AUTS2: variants seen among roughly 807,000 people sequenced by gnomAD.
AUTS2 encodes the protein activator of transcription and developmental regulator AUTS2.
A neutral mutation model predicts 112.4 loss-of-function variants in AUTS2; 17 were observed. The observed-to-expected ratio is 0.15, with a 90% CI of 0.10 to 0.23. The LOEUF is 0.23. AUTS2 is among the 10% of genes least tolerant of loss of function. The pLI, the probability that AUTS2 is intolerant of heterozygous loss-of-function variation, is 1.00. For synonymous variants in AUTS2, 751 were observed against 702.7 expected (o/e 1.07, Z -1.09); for missense variants, 1,510 against 1,701.6 (o/e 0.89, Z 1.98).
intron 1 of AUTS2, among the ~76,000 whole-genome samples, chr7:69,873,149 T>C (rs925929326): frequency 1.8e-4 from 28 of 152,096 alleles, no homozygotes; most frequent in African/African-American, 6.3e-4. Flanking sequence ...AATCAAGTGG[T>C]TATCATCTGC....
chr7:69,659,451 ATT>A (rs57592846), intron 1 of AUTS2, among the ~76,000 whole-genome samples: 17 of 137,890 alleles, frequency 1.2e-4, no homozygotes, highest in African/African-American at 1.6e-4. Context: ...TTGGGAAGCA[ATT>A]TTTTTTTTTT....
chr7:70,776,472 G>A (rs1790696629), intron 13 of AUTS2, among the ~76,000 whole-genome samples: 1 of 152,204 alleles, frequency 6.6e-6, no homozygotes, highest in South Asian at 2.1e-4. Context: ...TAGAGAACAG[G>A]AAGGAAGGAA....
chr7:69,805,644 A>G (rs1790268549), intron 1 of AUTS2, among the ~76,000 whole-genome samples: 2 of 152,234 alleles, frequency 1.3e-5, no homozygotes, highest in African/African-American at 4.8e-5. Context: ...GAAGGAACCA[A>G]GCAACGCAGA....
chr7:70,692,336 A>C (rs1424688898), intron 5 of AUTS2, among the ~76,000 whole-genome samples: 2 of 152,220 alleles, frequency 1.3e-5, no homozygotes, highest in African/African-American at 4.8e-5. Context: ...TCCCTGTAAC[A>C]CCGATTTTGC....
At chr7:70,420,709 T>G (rs939038798) in intron 4 of AUTS2, among the ~76,000 whole-genome samples, 1 of 152,200 alleles carries the variant, frequency 6.6e-6, no homozygotes, top group African/African-American at 2.4e-5. Context: ...ACTGTATGGT[T>G]CCATTTATGT....
intron 5 of AUTS2, among the ~76,000 whole-genome samples, chr7:70,451,716 T>C (rs1393532070): frequency 1.3e-5 from 2 of 152,356 alleles, no homozygotes; most frequent in East Asian, 3.9e-4. Context: ...AAAGTCGTAA[T>C]GCTTTGGTGA....
At chr7:70,204,054 T>A (rs1810446564) in intron 4 of AUTS2, among the ~76,000 whole-genome samples, 1 of 152,120 alleles carries the variant, frequency 6.6e-6, no homozygotes, top group Non-Finnish European at 1.5e-5. Flanking sequence ...CACAACATTT[T>A]AAAATAACAT....
chr7:70,276,245 C>T lies in AUTS2; in HGVS notation c.660+141674C>T, dbSNP rs150463254. On this transcript the variant is annotated intron_variant, in intron 4 of 18. Transcript: ENST00000342771. ...AAGAATATGCCTATAAAATATTCAA[C>T]GATTTCTCAGAAAATATCAATTGTA... Among the ~76,000 whole-genome samples, 258 of 152,022 alleles carry T rather than the reference C, an allele frequency of 1.7e-3. 1 individual carries two copies. The Middle Eastern group carries it at 0.02, about 12-fold the overall frequency.
At chr7:70,724,659 A>G (rs966636697) in intron 6 of AUTS2, among the ~76,000 whole-genome samples, 2 of 151,590 alleles carry the variant, frequency 1.3e-5, no homozygotes, top group Admixed American at 1.3e-4. Context: ...GTTAGTCAGG[A>G]TGGTCTCGAT....
chr7:69,801,765 C>A (rs1021311564), intron 1 of AUTS2, among the ~76,000 whole-genome samples: 7 of 152,102 alleles, frequency 4.6e-5, no homozygotes, highest in Admixed American at 3.3e-4. Flanking sequence ...AAACAGACAA[C>A]AATCTCTCTG....
At chr7:70,275,840 G>C (rs1259800635) in intron 4 of AUTS2, among the ~76,000 whole-genome samples, 1 of 152,174 alleles carries the variant, frequency 6.6e-6, no homozygotes, top group Non-Finnish European at 1.5e-5. Context: ...TGCCATGATC[G>C]TAAGTTTCCT....
intron 2 of AUTS2, among the ~76,000 whole-genome samples, chr7:70,079,632 A>T (rs1803204042): frequency 6.6e-6 from 1 of 152,122 alleles, no homozygotes; most frequent in Non-Finnish European, 1.5e-5. Context: ...CCTTGAGGTT[A>T]TTTACATCTA....
chr7:69,606,072 A>G (rs79333646), intron 1 of AUTS2, among the ~76,000 whole-genome samples: 5,211 of 152,248 alleles, frequency 0.034, 123 homozygotes, highest in Middle Eastern at 0.082. Context: ...AATGTAAATG[A>G]ATCCGTGAAT....
At position 70,254,597 on chromosome 7, in the gene AUTS2, G is replaced by A. The variant is rs562723147; in HGVS notation, c.660+120026G>A. 2.0e-5 allele frequency among the ~76,000 whole-genome samples: 3 copies of A among 152,230 alleles called. No homozygotes were observed. In the South Asian group the frequency reaches 6.2e-4, roughly 32 times the overall value. On this transcript the variant is annotated intron_variant, in intron 4 of 18. Transcript: ENST00000342771. ...ACTGTCCGTTTGTACATGTTCCAAT[G>A]TCACCATTCCTTTTTCGGGCAAATG... is the stretch of plus-strand genomic sequence containing the variant.
At chr7:69,675,792 C>T (rs1796537318) in intron 1 of AUTS2, among the ~76,000 whole-genome samples, 2 of 152,236 alleles carry the variant, frequency 1.3e-5, no homozygotes, top group Non-Finnish European at 2.9e-5. Flanking sequence ...CAGGTGTGAG[C>T]CACTGTGTCC....
intron 5 of AUTS2, among the ~76,000 whole-genome samples, chr7:70,665,647 G>T (rs1039224060): frequency 5.9e-5 from 9 of 152,090 alleles, no homozygotes; most frequent in African/African-American, 2.2e-4. Context: ...AGCTACAGAA[G>T]CACTCAGCAT....
At chr7:69,719,213 A>C (rs1176677938) in intron 1 of AUTS2, among the ~76,000 whole-genome samples, 1 of 152,202 alleles carries the variant, frequency 6.6e-6, no homozygotes, top group African/African-American at 2.4e-5. Context: ...ATATTGAATA[A>C]ATCTAATTTC....
At chr7:70,071,011 G>A (rs1334729969) in intron 2 of AUTS2, among the ~76,000 whole-genome samples, 1 of 152,118 alleles carries the variant, frequency 6.6e-6, no homozygotes, top group Non-Finnish European at 1.5e-5. Context: ...AATAGTTTGG[G>A]TTACTTAAAA....
rs536430080 is a variant in AUTS2, at chr7:69,935,394, G to A, written c.522+35896G>A. The stretch of plus-strand genomic sequence containing the variant: ...GGAATCATCATAGAATTTTAAACTA[G>A]GTGAGTAGCCTTTTCAAAATTTTTT... On this transcript the variant is annotated intron_variant, in intron 2 of 18. Coordinates refer to ENST00000342771, the MANE Select transcript of AUTS2 (RefSeq NM_015570.4). 2.0e-5 allele frequency among the ~76,000 whole-genome samples: 3 copies of A among 152,286 alleles called. No homozygotes were observed. In the South Asian group the frequency reaches 6.2e-4, roughly 32 times the overall value.
Sources: allele counts gnomAD v4.1 joint callset (sites outside exome capture counted in the v4.1 genomes callset), GRCh38; gene constraint gnomAD v4.1.1; transcripts MANE v1.5; gene names NCBI Gene and HGNC (gene_info 2026-07-23, HGNC 2026-07-21).